KCNB2: variants seen among roughly 807,000 people sequenced by gnomAD.
KCNB2 encodes potassium voltage-gated channel subfamily B member 2.
KCNB2 carries 15 observed loss-of-function variants against 61.5 expected under a neutral mutation model. That is an observed-to-expected ratio of 0.24 (90% CI 0.16 to 0.38). The LOEUF is 0.38. Ranked by LOEUF, KCNB2 falls within the 10% of genes least tolerant of loss-of-function variation. KCNB2 has a pLI of 1.00. For missense variants in KCNB2, 828 were observed against 1,125.2 expected, an observed-to-expected ratio of 0.74 and a Z score of 3.78; for synonymous variants, 457 against 446.0, an observed-to-expected ratio of 1.02 and a Z score of -0.31.
chr8:72,729,425 G>A (rs1355586809), intron 2 of KCNB2, among the ~76,000 whole-genome samples: 1 of 152,066 alleles, frequency 6.6e-6, no homozygotes, highest in Non-Finnish European at 1.5e-5. Context: ...ACCATACACG[G>A]GTTCTCAGAA....
chr8:72,881,740 ATGT>A (rs1251292047), intron 2 of KCNB2: 1 of 152,200 alleles, frequency 6.6e-6, no homozygotes, highest in Admixed American at 6.5e-5. Flanking sequence ...AAGAGAAAAA[ATGT>A]TGTACAGGCA....
chr8:72,662,547 C>T (rs1468350005), intron 2 of KCNB2, among the ~76,000 whole-genome samples: 1 of 152,214 alleles, frequency 6.6e-6, no homozygotes, highest in Non-Finnish European at 1.5e-5. Flanking sequence ...GCAGCAATGT[C>T]ACACTATAAC....
chr8:72,790,227 C>T (rs1299389358), intron 2 of KCNB2, among the ~76,000 whole-genome samples: 2 of 152,076 alleles, frequency 1.3e-5, no homozygotes, highest in Non-Finnish European at 2.9e-5. Context: ...GACCTCAAGT[C>T]AAGGTAGTAA....
chr8:72,559,422 G>T (rs1214705563), intron 1 of KCNB2, among the ~76,000 whole-genome samples: 4 of 152,154 alleles, frequency 2.6e-5, no homozygotes, highest in Non-Finnish European at 5.9e-5. Flanking sequence ...TGGGATTACA[G>T]GTGTGAGCCA....
intron 2 of KCNB2, among the ~76,000 whole-genome samples, chr8:72,606,347 C>T (rs897686738): frequency 6.6e-6 from 1 of 152,028 alleles, no homozygotes; most frequent in African/African-American, 2.4e-5. Flanking sequence ...TGTACATACT[C>T]ATAATCCAAG....
intron 2 of KCNB2, among the ~76,000 whole-genome samples, chr8:72,713,157 G>T (rs1454956537): frequency 6.6e-6 from 1 of 152,244 alleles, no homozygotes; most frequent in Non-Finnish European, 1.5e-5. Context: ...AAACAAAGTG[G>T]CCAGGAAGCT....
chr8:72,566,882 G>A (rs1415330040), intron 1 of KCNB2, among the ~76,000 whole-genome samples: 1 of 152,076 alleles, frequency 6.6e-6, no homozygotes, highest in African/African-American at 2.4e-5. Context: ...TGGATGGATG[G>A]ATCAGGATTT....
In KCNB2 at chr8:72,936,734, G is replaced by A. The variant is rs758944083; in HGVS notation, c.1379G>A (p.Arg460Gln). The change falls in exon 3 of 3, where the codon CGA becomes CAA. Residue 460 changes from arginine to glutamine, a missense_variant. Physicochemically the swap from Arg to Gln is conservative, Grantham distance 43. This residue lies in a region of KCNB2 where 559 missense variants were observed against 588.4 expected (regional missense o/e 0.95). Transcript: ENST00000523207. The surrounding 1 kb of genome is among the most constrained non-coding windows in gnomAD (Gnocchi z 5.6). ...VSMNLKDAFA[R>Q]SMELIDVAVE... ...ATGAACTTAAAAGATGCCTTCGCTC[G>A]AAGTATGGAACTGATAGATGTGGCT... 5.6e-6 allele frequency: 9 copies of A among 1,614,186 alleles called. No homozygotes were observed. In the Admixed American group the frequency reaches 6.7e-5, roughly 12 times the overall value.
At chr8:72,726,905 G>A (rs1807659829) in intron 2 of KCNB2, among the ~76,000 whole-genome samples, 1 of 152,114 alleles carries the variant, frequency 6.6e-6, no homozygotes. Flanking sequence ...AAAGCTCCCA[G>A]CTCCAGCCAG....
chr8:72,793,657 C>T (rs1341838475), intron 2 of KCNB2, among the ~76,000 whole-genome samples: 1 of 152,158 alleles, frequency 6.6e-6, no homozygotes, highest in Non-Finnish European at 1.5e-5. Flanking sequence ...GGGAGTAACT[C>T]CACAAAATGA....
At chr8:72,655,221 C>T (rs1164107615) in intron 2 of KCNB2, among the ~76,000 whole-genome samples, 3 of 152,022 alleles carry the variant, frequency 2.0e-5, no homozygotes, top group African/African-American at 4.8e-5. Flanking sequence ...CACATATTCT[C>T]ACTTATAAGT....
At chr8:72,701,403 G>C (rs570375458) in intron 2 of KCNB2, among the ~76,000 whole-genome samples, 1 of 152,180 alleles carries the variant, frequency 6.6e-6, no homozygotes, top group African/African-American at 2.4e-5. Context: ...CATAGCAGTG[G>C]ACGTCATTTA....
rs560617540 is a variant in KCNB2 at position 72,628,750 on chromosome 8, A to C, written c.579+60437A>C. ...TTTCTTTTAGGGTCAACATTTGGGAATAGGCCGAGCCCACCTCCTTGCACA... is the reference window on the plus strand; with the variant it reads ...TTTCTTTTAGGGTCAACATTTGGGACTAGGCCGAGCCCACCTCCTTGCACA... On this transcript the variant is annotated intron_variant, in intron 2 of 2. Coordinates refer to ENST00000523207, the MANE Select transcript of KCNB2 (RefSeq NM_004770.3). Among the ~76,000 whole-genome samples the C allele has an allele frequency of 7.2e-5, 11 of 152,284 alleles. No individual in the cohort carries two copies. In the East Asian group the frequency reaches 1.7e-3, roughly 24 times the overall value.
chr8:72,889,962 G>A lies in KCNB2; in HGVS notation c.580-45973G>A, dbSNP rs141724650. Among the ~76,000 whole-genome samples the A allele has an allele frequency of 7.0e-3, 1,059 of 152,180 alleles. 8 individuals carry two copies. The highest frequency in any genetic ancestry group is 0.037 in the Middle Eastern group (11 of 294). ...GTAGAGACAGGGCTTCATCAGGCTG[G>A]TCTTGAACTCCTGACCTCAAATGAT... On this transcript the variant is annotated intron_variant, in intron 2 of 2. Coordinates refer to ENST00000523207, the MANE Select transcript of KCNB2 (RefSeq NM_004770.3).
intron 2 of KCNB2, among the ~76,000 whole-genome samples, chr8:72,678,342 A>G (rs2128988802): frequency 6.6e-6 from 1 of 152,254 alleles, no homozygotes; most frequent in East Asian, 1.9e-4. Flanking sequence ...AGTGGCTTCC[A>G]TGTTACTTCC....
intron 2 of KCNB2, among the ~76,000 whole-genome samples, chr8:72,672,917 G>A (rs982007729): frequency 3.3e-5 from 5 of 152,198 alleles, no homozygotes; most frequent in African/African-American, 1.2e-4. Flanking sequence ...AAGGTGTGGA[G>A]AAATTAGAAC....
intron 2 of KCNB2, among the ~76,000 whole-genome samples, chr8:72,641,638 A>C (rs573368574): frequency 2.0e-5 from 3 of 152,276 alleles, no homozygotes; most frequent in African/African-American, 7.2e-5. Flanking sequence ...CCATGAGTGC[A>C]TGATGACCAA....
chr8:72,544,995 AG>A (rs1231825101), intron 1 of KCNB2, among the ~76,000 whole-genome samples: 1 of 152,164 alleles, frequency 6.6e-6, no homozygotes, highest in Non-Finnish European at 1.5e-5. Context: ...TCTGGGTGGG[AG>A]GCTACTTTCC....
At chr8:72,767,005 G>A (rs1472182621) in intron 2 of KCNB2, among the ~76,000 whole-genome samples, 1 of 152,104 alleles carries the variant, frequency 6.6e-6, no homozygotes, top group Non-Finnish European at 1.5e-5. Context: ...AGAAGCAAAA[G>A]CGGAAACCCC....
Sources: allele counts gnomAD v4.1 joint callset (sites outside exome capture counted in the v4.1 genomes callset), GRCh38; gene constraint gnomAD v4.1.1; regional missense constraint gnomAD v4.1.1; non-coding constraint Gnocchi (gnomAD v3.1); transcripts MANE v1.5; gene names NCBI Gene and HGNC (gene_info 2026-07-23, HGNC 2026-07-21).